The following LUZP2 variants were observed in gnomAD, a reference collection of about 807,000 sequenced individuals.
LUZP2 encodes the protein leucine zipper protein 2.
A neutral mutation model predicts 51.6 loss-of-function variants in LUZP2; 52 were observed. The ratio of observed to expected loss-of-function variants is 1.01; its 90% CI spans 0.81 to 1.27. The LOEUF is 1.27. LUZP2 is among the 50% of genes most tolerant of loss of function. The probability of loss-of-function intolerance (pLI) is 0.00; values close to 1 mark genes in which losing one functional copy is unlikely to be tolerated. For synonymous variants in LUZP2, 154 were observed against 137.3 expected (o/e 1.12, Z -0.85); for missense variants, 436 against 395.4 (o/e 1.10, Z -0.87).
intron 1 of LUZP2, among the ~76,000 whole-genome samples, chr11:24,558,404 A>G (rs1509611): frequency 0.35 from 52,293 of 151,540 alleles, 9,454 homozygotes; most frequent in Middle Eastern, 0.47. Flanking sequence ...ATCTCTATAT[A>G]TAGCCTATCA....
At chr11:24,882,236 T>C (rs1852491839) in intron 5 of LUZP2, among the ~76,000 whole-genome samples, 1 of 152,054 alleles carries the variant, frequency 6.6e-6, no homozygotes, top group Admixed American at 6.6e-5. Flanking sequence ...CTGTAGATTT[T>C]GAGATGAGAA....
intron 5 of LUZP2, among the ~76,000 whole-genome samples, chr11:24,790,530 A>T (rs1849376951): frequency 6.6e-6 from 1 of 151,714 alleles, no homozygotes; most frequent in Admixed American, 6.6e-5. Flanking sequence ...GAGACAGATT[A>T]TTGCTCTGTC....
intron 5 of LUZP2, among the ~76,000 whole-genome samples, chr11:24,771,237 A>G (rs942143824): frequency 6.6e-6 from 1 of 151,136 alleles, no homozygotes; most frequent in African/African-American, 2.4e-5. Flanking sequence ...ACCTTTCTTA[A>G]TAAAGAGTTA....
intron 10 of LUZP2, among the ~76,000 whole-genome samples, chr11:25,073,240 C>T (rs1053444892): frequency 1.3e-5 from 2 of 152,190 alleles, no homozygotes; most frequent in African/African-American, 2.4e-5. Context: ...TTCTAACCTT[C>T]ACTATGGTGC....
chr11:24,722,918 A>G (rs1858331753), intron 1 of LUZP2, among the ~76,000 whole-genome samples: 1 of 149,942 alleles, frequency 6.7e-6, no homozygotes, highest in African/African-American at 2.4e-5. Context: ...CCTCATATTA[A>G]AAAAAAAAGA....
chr11:25,017,906 C>T (rs1857203204), intron 9 of LUZP2, among the ~76,000 whole-genome samples: 1 of 152,148 alleles, frequency 6.6e-6, no homozygotes, highest in African/African-American at 2.4e-5. Context: ...TCTTCAAATC[C>T]ATGAGGATTG....
intron 4 of LUZP2, among the ~76,000 whole-genome samples, chr11:24,750,936 A>C (rs1037183179): frequency 1.3e-5 from 2 of 152,192 alleles, no homozygotes; most frequent in African/African-American, 4.8e-5. Context: ...GACTTTCTAC[A>C]CTTTTATAAT....
intron 9 of LUZP2, among the ~76,000 whole-genome samples, chr11:25,041,466 T>A (rs1051229911): frequency 1.3e-5 from 2 of 152,190 alleles, no homozygotes; most frequent in African/African-American, 4.8e-5. Context: ...GGTATTACTG[T>A]AAATGTGATT....
At position 24,942,495 on chromosome 11, in the gene LUZP2, A is replaced by G. The variant is rs7484189; in HGVS notation, c.522+27957A>G. 5.4e-3 allele frequency among the ~76,000 whole-genome samples: 822 copies of G among 152,266 alleles called. 10 individuals are homozygous for G. Among genetic ancestry groups the G allele is most frequent in the African/African-American group, 0.018 (749 of 41,578 alleles). On this transcript the variant is annotated intron_variant, in intron 7 of 11. Transcript: ENST00000336930. ...TCATGTGCCTAGTTTTCATTTGTAT[A>G]TCCTCTTTGTTGAAGTGGCTGTTCA...
chr11:24,992,646 C>G (rs1856383416), intron 9 of LUZP2, among the ~76,000 whole-genome samples: 1 of 152,076 alleles, frequency 6.6e-6, no homozygotes, highest in South Asian at 2.1e-4. Flanking sequence ...TTCCAGGAAG[C>G]ATTGCTCCCA....
At position 25,055,783 on chromosome 11, in the gene LUZP2, G is replaced by T. The variant is rs11028391; in HGVS notation, c.858+5653G>T. ...AGAAAAAAGTTAGAATTGAAGGTTT[G>T]TGTTAATTTATGTTTCAACCAGTTT... On this transcript the variant is annotated intron_variant, in intron 10 of 11. Coordinates refer to ENST00000336930, the MANE Select transcript of LUZP2 (RefSeq NM_001009909.4). 1.6e-3 allele frequency among the ~76,000 whole-genome samples: 237 copies of T among 152,264 alleles called. 6 individuals carry two copies. In the East Asian group the frequency reaches 0.042, roughly 27 times the overall value.
intron 1 of LUZP2, among the ~76,000 whole-genome samples, chr11:24,559,235 TTG>T (rs1851961017): frequency 6.6e-6 from 1 of 152,126 alleles, no homozygotes. Context: ...TGTAAAAATT[TTG>T]TGTTAAATTA....
intron 5 of LUZP2, among the ~76,000 whole-genome samples, chr11:24,874,564 C>T (rs187719159): frequency 1.1e-4 from 16 of 152,210 alleles, no homozygotes; most frequent in Non-Finnish European, 2.1e-4. Context: ...TACTTGACTG[C>T]AGCACAGCCA....
At chr11:24,776,283 CT>C (rs1318284787) in intron 5 of LUZP2, among the ~76,000 whole-genome samples, 1 of 152,056 alleles carries the variant, frequency 6.6e-6, no homozygotes, top group Admixed American at 6.6e-5. Context: ...TGGAGAAAAC[CT>C]TTTCAAATTG....
chr11:25,050,291 CTTTTTTTT>C (rs71044331), intron 10 of LUZP2, among the ~76,000 whole-genome samples, 161 bp downstream of exon 10: 124 of 77,198 alleles, frequency 1.6e-3, no homozygotes, highest in Middle Eastern at 7.9e-3. Context: ...TCTTTATGTT[CTTTTTTTT>C]TTTTTTTTTT....
intron 10 of LUZP2, among the ~76,000 whole-genome samples, chr11:25,075,688 T>C (rs963608712): frequency 2.0e-5 from 3 of 151,888 alleles, no homozygotes; most frequent in African/African-American, 7.3e-5. Context: ...CAGAAATGAG[T>C]AGCTGGTTTT....
intron 1 of LUZP2, among the ~76,000 whole-genome samples, chr11:24,538,793 G>T (rs1851265559): frequency 6.6e-6 from 1 of 151,656 alleles, no homozygotes; most frequent in Non-Finnish European, 1.5e-5. Flanking sequence ...CAAATGAAAA[G>T]AAATAGATTA....
intron 5 of LUZP2, among the ~76,000 whole-genome samples, chr11:24,765,755 T>C (rs372277067): frequency 3.3e-5 from 5 of 151,516 alleles, no homozygotes; most frequent in Admixed American, 3.3e-4. Flanking sequence ...AGCCTCTGAG[T>C]AGCTAGGACT....
chr11:24,700,752 G>A (rs1857399068), intron 1 of LUZP2, among the ~76,000 whole-genome samples: 1 of 152,098 alleles, frequency 6.6e-6, no homozygotes, highest in South Asian at 2.1e-4. Flanking sequence ...GGAAATGACT[G>A]TGCAATCATT....
Sources: allele counts gnomAD v4.1 joint callset (sites outside exome capture counted in the v4.1 genomes callset), GRCh38; gene constraint gnomAD v4.1.1; transcripts MANE v1.5; gene names NCBI Gene and HGNC (gene_info 2026-07-23, HGNC 2026-07-21).